DLC1: variants seen among roughly 807,000 people sequenced by gnomAD.
DLC1 encodes DLC1 Rho GTPase activating protein.
Under a neutral mutation model 140.3 loss-of-function variants are expected in DLC1, and 54 were observed. The observed-to-expected ratio is 0.38, with a 90% CI of 0.31 to 0.48. The LOEUF (loss-of-function observed/expected upper bound fraction) is 0.48. Ranked by LOEUF, DLC1 falls within the 20% of genes least tolerant of loss-of-function variation. The pLI, the probability that DLC1 is intolerant of heterozygous loss-of-function variation, is 0.96. For synonymous variants in DLC1, 986 were observed against 728.1 expected, an observed-to-expected ratio of 1.35 and a Z score of -5.70; for missense variants, 2,536 against 1,907.0, an observed-to-expected ratio of 1.33 and a Z score of -6.14.
chr8:13,509,782 T>C (rs952610203), intron 1 of DLC1, among the ~76,000 whole-genome samples: 2 of 152,048 alleles, frequency 1.3e-5, no homozygotes, highest in African/African-American at 4.8e-5. Flanking sequence ...TCTCCCATTT[T>C]TGTGAGGATG....
chr8:13,453,213 A>C (rs940773815), intron 2 of DLC1, among the ~76,000 whole-genome samples: 1 of 149,134 alleles, frequency 6.7e-6, no homozygotes, highest in Non-Finnish European at 1.5e-5. Flanking sequence ...AAATTAAAGA[A>C]GAATGTAATG....
intron 5 of DLC1, among the ~76,000 whole-genome samples, chr8:13,242,841 G>A (rs1195500085): frequency 2.0e-5 from 3 of 151,816 alleles, no homozygotes; most frequent in East Asian, 3.9e-4. Flanking sequence ...AACATTTTTA[G>A]CAATTTTTTT....
chr8:13,533,573 A>C (rs115121211), intron 1 of DLC1, among the ~76,000 whole-genome samples: 1 of 152,210 alleles, frequency 6.6e-6, no homozygotes, highest in African/African-American at 2.4e-5. Context: ...TTTCTGGACG[A>C]GGAAGTTGAG....
intron 6 of DLC1, among the ~76,000 whole-genome samples, chr8:13,112,526 T>A (rs757299967): frequency 5.9e-5 from 9 of 152,188 alleles, no homozygotes; most frequent in Admixed American, 3.3e-4. Context: ...AAATTTAGTA[T>A]CACAGAATGA....
rs140496984 is a variant in DLC1 at position 13,195,874 on chromosome 8, A to T, written c.1349-80217T>A. On this transcript the variant is annotated intron_variant, in intron 5 of 17. Transcript: ENST00000276297. ...TTAAAAAAATGAGCAAGGGGTCATT[A>T]TAGAAATATAGACTGTCACCTTTTA... 1.9e-3 allele frequency among the ~76,000 whole-genome samples: 293 copies of T among 152,302 alleles called. 2 individuals carry two copies. The highest frequency in any genetic ancestry group is 3.7e-3 in the Non-Finnish European group (250 of 68,010).
chr8:13,230,200 G>A (rs897036615), intron 5 of DLC1, among the ~76,000 whole-genome samples: 6 of 152,264 alleles, frequency 3.9e-5, no homozygotes, highest in African/African-American at 1.4e-4. Context: ...AACCATTTCT[G>A]GTACTTGTAG....
At chr8:13,444,998 A>C (rs1379200265) in intron 2 of DLC1, among the ~76,000 whole-genome samples, 1 of 152,052 alleles carries the variant, frequency 6.6e-6, no homozygotes, top group Non-Finnish European at 1.5e-5. Context: ...GCAGGATGAT[A>C]GCAGACAAGG....
rs762018154 is a variant in DLC1, at chr8:13,099,734, G to T, written c.2603C>A (p.Ser868Tyr). The change falls in exon 9 of 18, where the codon TCT (serine) becomes TAT (tyrosine). Residue 868 changes from serine to tyrosine, a missense_variant. Physicochemically the swap from Ser to Tyr is moderately radical, Grantham distance 144 (BLOSUM62 -2). Coordinates refer to ENST00000276297, the MANE Select transcript of DLC1 (RefSeq NM_182643.3). ...CAGGCGGCTGCTCATGGAGCTGGAA[G>T]AATTGCGTCTCTTCAGTTCCTTGGG... ...DSPKELKRRN[S>Y]SSSMSSRLSI... 1.2e-6 allele frequency: 2 copies of T among 1,614,072 alleles called. No individual in the cohort carries two copies. Among genetic ancestry groups the T allele is most frequent in the African/African-American group, 2.7e-5 (2 of 74,924 alleles).
intron 6 of DLC1, among the ~76,000 whole-genome samples, chr8:13,111,074 T>G (rs1296929482): frequency 2.6e-5 from 4 of 152,168 alleles, no homozygotes; most frequent in African/African-American, 9.7e-5. Context: ...GAGAAGTGGT[T>G]CAGAACATTG....
chr8:13,592,301 C>T (rs899579575), intron 1 of DLC1, among the ~76,000 whole-genome samples: 1 of 151,994 alleles, frequency 6.6e-6, no homozygotes, highest in African/African-American at 2.4e-5. Context: ...TAAGATCTTA[C>T]CATACATCAG....
At chr8:13,573,892 A>T (rs1047561933) in intron 1 of DLC1, among the ~76,000 whole-genome samples, 6 of 152,170 alleles carry the variant, frequency 3.9e-5, no homozygotes, top group African/African-American at 1.4e-4. Flanking sequence ...CTTAATTAAT[A>T]TGCTTTTCTC....
intron 2 of DLC1, among the ~76,000 whole-genome samples, chr8:13,435,664 T>A (rs1839086967): frequency 6.6e-6 from 1 of 152,198 alleles, no homozygotes; most frequent in Non-Finnish European, 1.5e-5. Context: ...TCAGATGGCA[T>A]CTACTCCTGA....
At chr8:13,308,720 A>C (rs1832554805) in intron 4 of DLC1, among the ~76,000 whole-genome samples, 1 of 152,216 alleles carries the variant, frequency 6.6e-6, no homozygotes, top group Admixed American at 6.5e-5. Context: ...AACACGAATG[A>C]TTAGTCACAT....
chr8:13,579,262 A>ATATATATATATATATATG (rs1167192487), intron 1 of DLC1, among the ~76,000 whole-genome samples: 1 of 109,998 alleles, frequency 9.1e-6, no homozygotes, highest in Non-Finnish European at 1.8e-5. Flanking sequence ...ATATATATAT[A>ATATATATATATATATATG]TATATATGCA....
chr8:13,407,360 A>G (rs1837614965), intron 2 of DLC1, among the ~76,000 whole-genome samples: 4 of 152,202 alleles, frequency 2.6e-5, no homozygotes, highest in African/African-American at 9.6e-5. Context: ...CATCTGGGAA[A>G]GATAATCCCA....
intron 1 of DLC1, among the ~76,000 whole-genome samples, chr8:13,589,760 A>T (rs1160410178): frequency 6.6e-6 from 1 of 150,626 alleles, no homozygotes; most frequent in African/African-American, 2.4e-5. Context: ...TCCAACAGAG[A>T]TTGTGTAAAT....
chr8:13,482,084 C>G (rs370270915), intron 2 of DLC1, among the ~76,000 whole-genome samples: 1 of 152,142 alleles, frequency 6.6e-6, no homozygotes, highest in African/African-American at 2.4e-5. Context: ...ACCACAATTA[C>G]GATGACTTTC....
intron 14 of DLC1, 150 bp from the exon 15 acceptor site, chr8:13,090,620 G>A (rs1053579298): frequency 1.0e-5 from 8 of 774,664 alleles, no homozygotes; most frequent in Non-Finnish European, 1.6e-5. Flanking sequence ...CATGCTGACC[G>A]CACGTGTTAT....
At chr8:13,155,953 G>T (rs1401527878) in intron 5 of DLC1, among the ~76,000 whole-genome samples, 1 of 151,988 alleles carries the variant, frequency 6.6e-6, no homozygotes, top group African/African-American at 2.4e-5. Flanking sequence ...TTTTCATTCT[G>T]AGTCTTGATT....
Sources: gnomAD v4.1 joint callset for allele counts (sites outside exome capture counted in the v4.1 genomes callset) on GRCh38, gnomAD v4.1.1 for gene constraint, MANE v1.5 for transcripts, NCBI Gene and HGNC (gene_info 2026-07-23, HGNC 2026-07-21) for gene names.